TCF25: variants seen among roughly 807,000 people sequenced by gnomAD.
TCF25 encodes the protein ribosome quality control complex subunit TCF25.
Under a neutral mutation model 83.1 loss-of-function variants are expected in TCF25, and 41 were observed. That is an observed-to-expected ratio of 0.49 (90% confidence interval 0.38 to 0.64). The LOEUF (loss-of-function observed/expected upper bound fraction) is 0.64. Ranked by LOEUF, TCF25 falls within the 30% of genes least tolerant of loss-of-function variation. TCF25 has a pLI of 0.00. For missense variants in TCF25, 979 were observed against 914.5 expected (o/e 1.07, Z -0.91); for synonymous variants, 458 against 365.0 (o/e 1.25, Z -2.90).
At chr16:89,888,434 A>C (rs1484308760) in intron 5 of TCF25, among the ~76,000 whole-genome samples, 2 of 151,708 alleles carry the variant, frequency 1.3e-5, no homozygotes, top group South Asian at 4.2e-4. Flanking sequence ...CTAAAAATAC[A>C]AAAAATTAGC....
intron 1 of TCF25, among the ~76,000 whole-genome samples, chr16:89,880,897 C>T (rs1271169370): frequency 2.0e-5 from 3 of 152,196 alleles, no homozygotes; most frequent in Non-Finnish European, 4.4e-5. Context: ...GCAGCCGGCC[C>T]ATGCCTAGGC....
intron 16 of TCF25, 192 bp from the exon 17 acceptor site, chr16:89,910,399 C>A: frequency 1.6e-6 from 1 of 622,408 alleles, no homozygotes; most frequent in Non-Finnish European, 2.9e-6. Context: ...CAGCCCCACC[C>A]TAAGCTGATG....
At position 89,900,787 on chromosome 16, in the gene TCF25, C is replaced by A; in HGVS notation, c.1374C>A (p.Phe458Leu). ...TGATACAGCAGGCGCTCACCATGTTCCCTGGAGGTGAGTGAGCGCTGTGTC... is the reference window on the plus strand; with the variant it reads ...TGATACAGCAGGCGCTCACCATGTTACCTGGAGGTGAGTGAGCGCTGTGTC... ...SLLIQQALTM[F>L]PGVLLPLLES... The change falls in exon 12 of 18, where the codon TTC becomes TTA. Residue 458 changes from phenylalanine to leucine, a missense_variant. By Grantham distance (22) the Phe-to-Leu change is conservative. Transcript: ENST00000263346. 1 of 1,574,082 alleles carries A rather than the reference C, an allele frequency of 6.4e-7. No homozygotes were observed.
chr16:89,899,709 C>T (rs1409356971), intron 11 of TCF25, among the ~76,000 whole-genome samples: 1 of 151,686 alleles, frequency 6.6e-6, no homozygotes, highest in African/African-American at 2.4e-5. Flanking sequence ...GTCTGGGCAA[C>T]CAGAGTGAAA....
At chr16:89,876,927 TAAAAAAAAAA>T (rs71137687) in intron 1 of TCF25, among the ~76,000 whole-genome samples, 4 of 68,012 alleles carry the variant, frequency 5.9e-5, no homozygotes, top group African/African-American at 2.7e-4. Context: ...AGACTCCATC[TAAAAAAAAAA>T]AAAAAAAAAA....
At chr16:89,893,009 C>G (rs975337932) in intron 6 of TCF25, among the ~76,000 whole-genome samples, 3 of 152,212 alleles carry the variant, frequency 2.0e-5, no homozygotes, top group Admixed American at 6.5e-5. Flanking sequence ...GGAGCGAGGC[C>G]TGTGCTGTCA....
At position 89,906,269 on chromosome 16, in the gene TCF25, C is replaced by A. The variant is rs779188432; in HGVS notation, c.1704C>A (p.Val568=). Reference sequence around the variant, plus strand: ...TCCTCTCTGAGATCAAGGAAGCCGTCGCTGCCCTGCCCCCGGTAAGGGAGA... The same window carrying A: ...TCCTCTCTGAGATCAAGGAAGCCGTAGCTGCCCTGCCCCCGGTAAGGGAGA... ...HVILSEIKEA[V]AALPPDVTTQ... is the part of the protein sequence containing the mutation. The change falls in exon 15 of 18, where the codon GTC becomes GTA. Residue 568 remains valine, a synonymous_variant. Coordinates refer to ENST00000263346, the MANE Select transcript of TCF25 (RefSeq NM_014972.3). 1.2e-6 allele frequency: 2 copies of A among 1,613,166 alleles called. No individual in the cohort carries two copies. The highest frequency in any genetic ancestry group is 2.2e-5 in the East Asian group (1 of 44,882).
chr16:89,881,816 A>G (rs938632922), intron 1 of TCF25, among the ~76,000 whole-genome samples: 2 of 152,016 alleles, frequency 1.3e-5, no homozygotes, highest in Non-Finnish European at 2.9e-5. Context: ...GTGCAGTGGC[A>G]TAATCTTGGC....
At chr16:89,883,230 C>A in intron 1 of TCF25, 121 bp from the exon 2 acceptor site, 1 of 1,310,172 alleles carries the variant, frequency 7.6e-7, no homozygotes, top group Non-Finnish European at 1.0e-6. Flanking sequence ...TCCCGTCCAG[C>A]GTCTCGCACT....
At chr16:89,877,687 G>A (rs7199642) in intron 1 of TCF25, among the ~76,000 whole-genome samples, 7,227 of 152,170 alleles carry the variant, frequency 0.047, 512 homozygotes, top group African/African-American at 0.15. Flanking sequence ...GGAGAGAATC[G>A]GTGAGACCGA....
intron 1 of TCF25, among the ~76,000 whole-genome samples, chr16:89,878,185 C>A (rs560324821): frequency 6.6e-6 from 1 of 151,696 alleles, no homozygotes; most frequent in African/African-American, 2.4e-5. Flanking sequence ...GAGGCTGAGA[C>A]GGGAGGATGG....
At chr16:89,885,795 A>G (rs1454938294) in intron 3 of TCF25, 53 bp from the exon 4 acceptor site, 1 of 1,384,998 alleles carries the variant, frequency 7.2e-7, no homozygotes, top group Non-Finnish European at 1.0e-6. Flanking sequence ...TATTGTTACA[A>G]TATTTAAAAT....
chr16:89,898,185 G>A (rs1166107033), intron 9 of TCF25, among the ~76,000 whole-genome samples: 1 of 152,214 alleles, frequency 6.6e-6, no homozygotes, highest in Non-Finnish European at 1.5e-5. Flanking sequence ...AGGACAAGGA[G>A]AGCGCACACC....
intron 14 of TCF25, among the ~76,000 whole-genome samples, 197 bp from the exon 15 acceptor site, chr16:89,905,997 C>T (rs1182806437): frequency 1.3e-5 from 2 of 152,190 alleles, no homozygotes; most frequent in Non-Finnish European, 1.5e-5. Context: ...TGGGATTGGT[C>T]CCCAGAGGCT....
intron 6 of TCF25, among the ~76,000 whole-genome samples, chr16:89,893,499 G>A (rs62052177): frequency 2.6e-5 from 4 of 152,232 alleles, no homozygotes; most frequent in Non-Finnish European, 5.9e-5. Context: ...AGGCAAACAC[G>A]TCTTGATAGG....
At chr16:89,881,332 G>T (rs1597273319) in intron 1 of TCF25, among the ~76,000 whole-genome samples, 1 of 152,150 alleles carries the variant, frequency 6.6e-6, no homozygotes, top group South Asian at 2.1e-4. Context: ...TGGTTTTCAA[G>T]ATGTTTTAAA....
In TCF25 at chr16:89,892,196, A is replaced by G. The variant is rs773672137; in HGVS notation, c.618A>G (p.Pro206=). Residue 206 remains proline (P), a synonymous_variant, in exon 6 of 18, where the codon CCA becomes CCG. Transcript: ENST00000263346. ...ACCTGTGTCCCGTTCTCCCCAGGCCACGGCAGAGACAACGTGTGTACCCCA... is the reference window on the plus strand; with the variant it reads ...ACCTGTGTCCCGTTCTCCCCAGGCCGCGGCAGAGACAACGTGTGTACCCCA... ...GARAILGEQR[P]RQRQRVYPKC... is the part of the protein sequence containing the mutation. The G allele has an allele frequency of 7.5e-6, 12 of 1,609,678 alleles. No individual in the cohort carries two copies. The highest frequency in any genetic ancestry group is 1.0e-5 in the Non-Finnish European group (12 of 1,178,130).
chr16:89,898,590 C>G lies in TCF25; in HGVS notation c.1056C>G (p.Ser352Arg). Residue 352 changes from serine to arginine, a missense_variant, in exon 10 of 18, where the codon AGC (serine) becomes AGG (arginine). Transcript: ENST00000263346. Reference protein sequence around the residue: ...SFYLALYKQMSFLEKRGCPRT... With the variant: ...SFYLALYKQMRFLEKRGCPRT... ...ACCTGGCCCTCTACAAGCAGATGAG[C>G]TTCCTGGAGAAGCGAGGCTGCCCGC... The G allele has an allele frequency of 6.2e-7, 1 of 1,607,532 alleles. No homozygotes were observed. Among genetic ancestry groups the G allele is most frequent in the Non-Finnish European group, 8.5e-7 (1 of 1,179,190 alleles).
At chr16:89,887,805 C>A in intron 5 of TCF25, 88 bp downstream of exon 5, 1 of 1,279,522 alleles carries the variant, frequency 7.8e-7, no homozygotes, top group Non-Finnish European at 1.1e-6. Flanking sequence ...AGCTAGTTTA[C>A]CCTTGAGGGA....
Sources: gnomAD v4.1 joint callset for allele counts (sites outside exome capture counted in the v4.1 genomes callset) on GRCh38, gnomAD v4.1.1 for gene constraint, MANE v1.5 for transcripts, NCBI Gene and HGNC (gene_info 2026-07-23, HGNC 2026-07-21) for gene names.